Variants in DNAAF9 observed in about 807,000 individuals in gnomAD.
DNAAF9 encodes the protein shulin.
DNAAF9 carries 90 observed loss-of-function variants against 167.0 expected under a neutral mutation model. The ratio of observed to expected loss-of-function variants is 0.54; its 90% confidence interval spans 0.45 to 0.64. The LOEUF (loss-of-function observed/expected upper bound fraction) is 0.64, where lower values mean the gene tolerates loss of function less well. Ranked by LOEUF, DNAAF9 falls within the 30% of genes least tolerant of loss-of-function variation. DNAAF9 has a pLI of 0.00. For synonymous variants in DNAAF9, 491 were observed against 508.8 expected (o/e 0.96, Z 0.47); for missense variants, 1,315 against 1,442.2 (o/e 0.91, Z 1.43).
chr20:3,350,868 C>A (rs1418105218), intron 7 of DNAAF9, among the ~76,000 whole-genome samples: 1 of 151,934 alleles, frequency 6.6e-6, no homozygotes, highest in Non-Finnish European at 1.5e-5. Flanking sequence ...ATGTTTAAAT[C>A]TATGAGTTCA....
chr20:3,310,333 A>AAAGAAAGAAAG (rs1555790607), intron 20 of DNAAF9, among the ~76,000 whole-genome samples: 23 of 106,182 alleles, frequency 2.2e-4, no homozygotes, highest in Non-Finnish European at 3.6e-4. Context: ...AAGAGAAAGA[A>AAAGAAAGAAAG]AAAGAAAGAA....
chr20:3,324,668 T>G (rs2069679170), intron 14 of DNAAF9, among the ~76,000 whole-genome samples: 1 of 152,212 alleles, frequency 6.6e-6, no homozygotes, highest in South Asian at 2.1e-4. Flanking sequence ...CTGCCCTGCA[T>G]TCTAACCTCA....
At chr20:3,395,993 G>A (rs187893114) in intron 1 of DNAAF9, among the ~76,000 whole-genome samples, 2 of 152,276 alleles carry the variant, frequency 1.3e-5, no homozygotes, top group Admixed American at 1.3e-4. Flanking sequence ...TCCCATGACA[G>A]CGAATAAGTC....
intron 20 of DNAAF9, among the ~76,000 whole-genome samples, chr20:3,307,680 C>T (rs544940250): frequency 5.9e-5 from 9 of 152,066 alleles, no homozygotes; most frequent in African/African-American, 2.2e-4. Flanking sequence ...CATTATTGTC[C>T]CAAAACCAGG....
At chr20:3,277,815 T>C (rs1366488388) in intron 29 of DNAAF9, among the ~76,000 whole-genome samples, 2 of 152,162 alleles carry the variant, frequency 1.3e-5, no homozygotes, top group African/African-American at 4.8e-5. Context: ...CAGCCCAACA[T>C]ACACATTCCT....
chr20:3,300,700 A>G (rs2069169765), intron 21 of DNAAF9, among the ~76,000 whole-genome samples: 1 of 140,856 alleles, frequency 7.1e-6, no homozygotes, highest in Non-Finnish European at 1.5e-5. Context: ...TAATAATAAT[A>G]ATAATAATAA....
intron 20 of DNAAF9, among the ~76,000 whole-genome samples, chr20:3,310,385 G>GAAAGAAAGAAAGAA (rs1447352364): frequency 1.3e-5 from 2 of 150,766 alleles, no homozygotes; most frequent in Non-Finnish European, 3.0e-5. Context: ...AAGAAAGAAA[G>GAAAGAAAGAAAGAA]AAAGAATTCC....
chr20:3,344,842 A>C (rs1439061095), intron 8 of DNAAF9, among the ~76,000 whole-genome samples: 2 of 152,166 alleles, frequency 1.3e-5, no homozygotes, highest in African/African-American at 2.4e-5. Flanking sequence ...AATGGTTTCA[A>C]TATATCTGCC....
chr20:3,310,295 G>GA (rs2069380108), intron 20 of DNAAF9, among the ~76,000 whole-genome samples: 1 of 102,280 alleles, frequency 9.8e-6, no homozygotes, highest in South Asian at 3.1e-4. Context: ...AGAAAGAAAA[G>GA]AAAAAAGAAA....
At chr20:3,404,843 T>C (rs912356497) in intron 1 of DNAAF9, among the ~76,000 whole-genome samples, 2 of 152,230 alleles carry the variant, frequency 1.3e-5, no homozygotes, top group African/African-American at 4.8e-5. Flanking sequence ...TTCCTTAGCA[T>C]TGATCCAGAT....
At chr20:3,403,181 T>A (rs117393526) in intron 1 of DNAAF9, among the ~76,000 whole-genome samples, 2 of 152,060 alleles carry the variant, frequency 1.3e-5, no homozygotes, top group Non-Finnish European at 2.9e-5. Context: ...CCCTTCCACA[T>A]TGCCACATCC....
rs796652497 is a variant in DNAAF9 at position 3,324,968 on chromosome 20, C to T, written c.1189G>A (p.Ala397Thr). ...CYAKTSSLTKAKEVAEQTLGS... is the reference protein window; with the variant it reads ...CYAKTSSLTKTKEVAEQTLGS... ...AGAGTTTGCTCTGCTACCTCCTTGG[C>T]CTGTAAAATAATAAGACAGCGACAA... Residue 397 changes from alanine (A) to threonine (T), a missense_variant and splice_region_variant, in exon 14 of 37, where the codon GCC becomes ACC. Physicochemically the swap from Ala to Thr is moderately conservative, Grantham distance 58. This residue lies in a region of DNAAF9 where 981 missense variants were observed against 1,012.5 expected (regional missense o/e 0.97). Transcript: ENST00000252032. 3 of 1,579,152 alleles carry T rather than the reference C, an allele frequency of 1.9e-6. No individual in the cohort carries two copies. Among genetic ancestry groups the T allele is most frequent in the Non-Finnish European group, 2.6e-6 (3 of 1,148,036 alleles).
At chr20:3,262,385 G>C (rs543144228) in intron 31 of DNAAF9, among the ~76,000 whole-genome samples, 14 of 151,956 alleles carry the variant, frequency 9.2e-5, no homozygotes, top group African/African-American at 3.4e-4. Flanking sequence ...CAAGTAGCTG[G>C]GACTACAGGT....
At chr20:3,400,288 G>C (rs148402122) in intron 1 of DNAAF9, among the ~76,000 whole-genome samples, 427 of 152,236 alleles carry the variant, frequency 2.8e-3, no homozygotes, top group African/African-American at 9.7e-3. Context: ...AACAGAAAAA[G>C]AATGTGTGGA....
intron 1 of DNAAF9, among the ~76,000 whole-genome samples, chr20:3,387,040 TC>T (rs965926117): frequency 6.6e-6 from 1 of 152,196 alleles, no homozygotes; most frequent in Admixed American, 6.6e-5. Context: ...AAAGATACCC[TC>T]TGTTCATGCA....
intron 6 of DNAAF9, among the ~76,000 whole-genome samples, chr20:3,364,068 C>G (rs1004593015): frequency 3.9e-5 from 6 of 152,222 alleles, no homozygotes; most frequent in Non-Finnish European, 5.9e-5. Flanking sequence ...TCCTGAATAG[C>G]TGAGACTACA....
intron 3 of DNAAF9, among the ~76,000 whole-genome samples, chr20:3,377,722 T>A (rs1475113931): frequency 6.6e-6 from 1 of 152,038 alleles, no homozygotes; most frequent in East Asian, 1.9e-4. Flanking sequence ...GGCCTTGAAG[T>A]GCTAGGATTA....
At chr20:3,288,581 A>C (rs2068893356) in intron 26 of DNAAF9, among the ~76,000 whole-genome samples, 1 of 152,176 alleles carries the variant, frequency 6.6e-6, no homozygotes, top group Admixed American at 6.5e-5. Context: ...ATTGCTCTGT[A>C]ATTTGCCTCC....
chr20:3,385,965 A>AT (rs61619433), intron 1 of DNAAF9, among the ~76,000 whole-genome samples: 2 of 152,168 alleles, frequency 1.3e-5, no homozygotes, highest in Non-Finnish European at 2.9e-5. Context: ...AAAATCCAGT[A>AT]TTTTTTATAG....
Sources: gnomAD v4.1 joint callset for allele counts (sites outside exome capture counted in the v4.1 genomes callset) on GRCh38, gnomAD v4.1.1 for gene constraint, gnomAD v4.1.1 regional missense constraint, MANE v1.5 for transcripts, NCBI Gene and HGNC (gene_info 2026-07-23, HGNC 2026-07-21) for gene names.